DLG2: variants seen among roughly 807,000 people sequenced by gnomAD.
The protein encoded by DLG2 is discs large MAGUK scaffold protein 2, also known as disks large homolog 2.
Under a neutral mutation model 132.5 loss-of-function variants are expected in DLG2, and 45 were observed. The observed-to-expected ratio is 0.34, with a 90% CI of 0.27 to 0.44. The LOEUF (loss-of-function observed/expected upper bound fraction) is 0.44. Among genes scored for constraint, DLG2 ranks in the 20% least tolerant of loss-of-function variants. DLG2 has a pLI of 1.00. For synonymous variants in DLG2, 424 were observed against 419.6 expected (o/e 1.01, Z -0.13); for missense variants, 1,045 against 1,196.9 (o/e 0.87, Z 1.87).
intron 7 of DLG2, among the ~76,000 whole-genome samples, chr11:84,358,032 A>G (rs2098628248): frequency 6.6e-6 from 1 of 152,032 alleles, no homozygotes; most frequent in African/African-American, 2.4e-5. Flanking sequence ...TACTACAATG[A>G]CAATTACCCA....
chr11:83,630,117 A>G (rs1296734736), intron 19 of DLG2, among the ~76,000 whole-genome samples: 1 of 152,210 alleles, frequency 6.6e-6, no homozygotes, highest in Non-Finnish European at 1.5e-5. Context: ...AAGTATAACT[A>G]GATTAGAAAA....
At chr11:84,444,658 T>A (rs1293684813) in intron 7 of DLG2, among the ~76,000 whole-genome samples, 1 of 152,186 alleles carries the variant, frequency 6.6e-6, no homozygotes, top group Non-Finnish European at 1.5e-5. Flanking sequence ...CAGTACTACA[T>A]TATGTATGCT....
In DLG2 at chr11:83,541,469, T is replaced by A. The variant is rs12807818; in HGVS notation, c.2117+213A>T. ...TGATCCTCTTTCTTCCTTTATTTCTTGTCACAGTCACCAATTTTGGTAAAA... is the reference window on the plus strand; with the variant it reads ...TGATCCTCTTTCTTCCTTTATTTCTAGTCACAGTCACCAATTTTGGTAAAA... On this transcript the variant is annotated intron_variant, in intron 20 of 27. Transcript: ENST00000376104. Among the ~76,000 whole-genome samples the A allele has an allele frequency of 5.8e-3, 878 of 152,330 alleles. 6 individuals are homozygous for A. The highest frequency in any genetic ancestry group is 9.5e-3 in the Non-Finnish European group (643 of 68,022).
At position 84,769,540 on chromosome 11, in the gene DLG2, G is replaced by A. The variant is rs551544139; in HGVS notation, c.358-234809C>T. 9.9e-5 allele frequency among the ~76,000 whole-genome samples: 15 copies of A among 152,178 alleles called. No individual in the cohort carries two copies. The East Asian group carries it at 2.3e-3, about 24-fold the overall frequency. Reference sequence around the variant, plus strand: ...CTGAGAAAGAGAAGAAGTAAGCAACGTGGAAAACATATTTCAGGAAATAAT... The same window carrying A: ...CTGAGAAAGAGAAGAAGTAAGCAACATGGAAAACATATTTCAGGAAATAAT... On this transcript the variant is annotated intron_variant, in intron 6 of 27. Transcript: ENST00000376104.
intron 18 of DLG2, among the ~76,000 whole-genome samples, chr11:83,678,652 G>A (rs952408507): frequency 6.6e-6 from 1 of 152,016 alleles, no homozygotes; most frequent in Non-Finnish European, 1.5e-5. Flanking sequence ...AAATTATTGG[G>A]TCCTATTTAC....
chr11:83,660,075 T>C (rs539195557), intron 18 of DLG2, among the ~76,000 whole-genome samples: 1 of 152,382 alleles, frequency 6.6e-6, no homozygotes, highest in African/African-American at 2.4e-5. Context: ...AAGATTGTTC[T>C]GGAGGGTAAA....
At chr11:85,415,620 G>T (rs1597121788) in intron 3 of DLG2, among the ~76,000 whole-genome samples, 1 of 151,880 alleles carries the variant, frequency 6.6e-6, no homozygotes, top group Non-Finnish European at 1.5e-5. Context: ...GTGTTGATGA[G>T]TTTTTTTTCA....
At chr11:85,431,673 C>A (rs1023502490) in intron 3 of DLG2, among the ~76,000 whole-genome samples, 2 of 152,240 alleles carry the variant, frequency 1.3e-5, no homozygotes, top group Non-Finnish European at 1.5e-5. Context: ...TTTCCCAGAG[C>A]CTGAGCTCCT....
At chr11:85,070,014 G>C (rs1384088265) in intron 6 of DLG2, among the ~76,000 whole-genome samples, 2 of 151,948 alleles carry the variant, frequency 1.3e-5, no homozygotes, top group Non-Finnish European at 2.9e-5. Flanking sequence ...GGACATGGAT[G>C]AAGCTGGAAA....
intron 14 of DLG2, among the ~76,000 whole-genome samples, chr11:83,935,777 AT>A (rs2081303206): frequency 6.6e-6 from 1 of 152,236 alleles, no homozygotes; most frequent in African/African-American, 2.4e-5. Context: ...AAATTGCAAA[AT>A]TATGCACAGA....
intron 14 of DLG2, among the ~76,000 whole-genome samples, chr11:83,932,166 AAAC>A (rs3040354): frequency 0.59 from 90,086 of 151,582 alleles, 28,577 homozygotes; most frequent in East Asian, 0.73. Context: ...TCTTGCAATC[AAAC>A]AACAACATTA....
chr11:85,521,656 G>A (rs909331672), intron 3 of DLG2, among the ~76,000 whole-genome samples: 4 of 152,150 alleles, frequency 2.6e-5, no homozygotes, highest in Non-Finnish European at 5.9e-5. Flanking sequence ...TTACTGAATG[G>A]CTTTGAACAA....
chr11:85,242,268 T>G (rs961604992), intron 4 of DLG2, among the ~76,000 whole-genome samples: 1 of 151,804 alleles, frequency 6.6e-6, no homozygotes, highest in Non-Finnish European at 1.5e-5. Context: ...ATCATTTTGG[T>G]TTTTTTTCCT....
chr11:84,419,751 C>G (rs2098942224), intron 7 of DLG2, among the ~76,000 whole-genome samples: 1 of 152,144 alleles, frequency 6.6e-6, no homozygotes, highest in Non-Finnish European at 1.5e-5. Flanking sequence ...TTATATTCAT[C>G]GCAATTAGCC....
intron 3 of DLG2, among the ~76,000 whole-genome samples, chr11:85,425,632 T>C (rs146116542): frequency 2.6e-5 from 4 of 152,192 alleles, no homozygotes; most frequent in Admixed American, 1.3e-4. Context: ...CAAAAAATAA[T>C]TCTAAACAAG....
intron 7 of DLG2, among the ~76,000 whole-genome samples, chr11:84,301,700 G>A (rs2154382035): frequency 6.7e-6 from 1 of 149,768 alleles, no homozygotes; most frequent in East Asian, 2.0e-4. Context: ...AGATGCTGGA[G>A]AGGATGTGGA....
intron 6 of DLG2, among the ~76,000 whole-genome samples, chr11:84,934,525 G>GTTTTTTTTTTT (rs757894179): frequency 3.9e-4 from 15 of 38,644 alleles, no homozygotes; most frequent in South Asian, 9.0e-4. Flanking sequence ...GTTTTGTTTT[G>GTTTTTTTTTTT]TTTTTTTTTT....
At chr11:84,737,939 G>A (rs1025708881) in intron 6 of DLG2, among the ~76,000 whole-genome samples, 8 of 152,028 alleles carry the variant, frequency 5.3e-5, no homozygotes, top group African/African-American at 1.4e-4. Context: ...TTGTGTATAC[G>A]TGTGGGATGG....
intron 20 of DLG2, among the ~76,000 whole-genome samples, chr11:83,540,484 A>G (rs148974708): frequency 1.4e-3 from 208 of 152,212 alleles, no homozygotes; most frequent in African/African-American, 4.7e-3. Flanking sequence ...CGGCACCTTC[A>G]CTGTGACTCC....
Sources: gnomAD v4.1 joint callset for allele counts (sites outside exome capture counted in the v4.1 genomes callset) on GRCh38, gnomAD v4.1.1 for gene constraint, MANE v1.5 for transcripts, NCBI Gene and HGNC (gene_info 2026-07-23, HGNC 2026-07-21) for gene names.